The following COPB2 variants were observed in gnomAD, a reference collection of about 807,000 sequenced individuals.
The protein encoded by COPB2 is coatomer subunit beta'.
Under a neutral mutation model 120.8 loss-of-function variants are expected in COPB2, and 16 were observed. The observed-to-expected ratio is 0.13, with a 90% CI of 0.09 to 0.20. The LOEUF (loss-of-function observed/expected upper bound fraction) is 0.20. Among genes scored for constraint, COPB2 ranks in the 10% least tolerant of loss-of-function variants. The probability of loss-of-function intolerance (pLI) is 1.00; values close to 1 mark genes in which losing one functional copy is unlikely to be tolerated. For missense variants in COPB2, 794 were observed against 1,076.5 expected (o/e 0.74, Z 3.67); for synonymous variants, 332 against 366.3 (o/e 0.91, Z 1.07).
At chr3:139,379,986 GTTTC>G (rs1424444018) in intron 2 of COPB2, 1 of 143,544 alleles carries the variant, frequency 7.0e-6, no homozygotes, top group Non-Finnish European at 1.5e-5. Context: ...TTAGCTCTTA[GTTTC>G]TTTTTTTCTT....
At position 139,358,676 on chromosome 3, in the gene COPB2, G is replaced by C. The variant is rs371622458; in HGVS notation, c.2553+68C>G. On this transcript the variant is annotated intron_variant, in intron 20 of 21. Coordinates refer to ENST00000333188, the MANE Select transcript of COPB2 (RefSeq NM_004766.3). ...AGCCAGGGCAATGGAGCGAAACTCT[G>C]TCTCAAAAGAAAAAAAAAAAAAGTG... 535 of 1,122,624 alleles carry C rather than the reference G, an allele frequency of 4.8e-4. 2 individuals are homozygous for C. In the African/African-American group the frequency reaches 7.6e-3, roughly 16 times the overall value. The allele number at this position is 1,122,624 out of a possible 1,614,324, so 69.5% of individuals were successfully genotyped here.
chr3:139,359,782 T>A (rs1941375542), intron 17 of COPB2, among the ~76,000 whole-genome samples: 1 of 151,860 alleles, frequency 6.6e-6, no homozygotes, highest in African/African-American at 2.4e-5. Flanking sequence ...TCTTATTTTT[T>A]CTTCTATTTT....
At position 139,373,803 on chromosome 3, in the gene COPB2, C is replaced by G; in HGVS notation, c.757G>C (p.Val253Leu). ...IIITGSEDGT[V>L]RIWHSSTYRL... Reference sequence around the variant, plus strand: ...TAGGTGCTTGAATGCCAAATACGTACTGTTCCTAAAAAGAACAATGTAAAT... The same window carrying G: ...TAGGTGCTTGAATGCCAAATACGTAGTGTTCCTAAAAAGAACAATGTAAAT... Residue 253 changes from valine (V) to leucine (L), a missense_variant, in exon 8 of 22, where the codon GTA (valine) becomes CTA (leucine). Coordinates refer to ENST00000333188, the MANE Select transcript of COPB2 (RefSeq NM_004766.3). 6.2e-7 allele frequency: 1 copy of G among 1,614,000 alleles called. No homozygotes were observed. The highest frequency in any genetic ancestry group is 8.5e-7 in the Non-Finnish European group (1 of 1,179,942).
Position 139,368,229 on chromosome 3 carries a change from G to C in COPB2, c.1461C>G (p.Ile487Met). The C allele has an allele frequency of 6.2e-7, 1 of 1,613,630 alleles. No individual in the cohort carries two copies. Among genetic ancestry groups the C allele is most frequent in the Non-Finnish European group, 8.5e-7 (1 of 1,179,772 alleles). The change falls in exon 13 of 22, where the codon ATC becomes ATG. Residue 487 changes from isoleucine to methionine, a missense_variant. Physicochemically the swap from Ile to Met is conservative, Grantham distance 10. Coordinates refer to ENST00000333188, the MANE Select transcript of COPB2 (RefSeq NM_004766.3). ...VCIATEESFFILKYLSEKVLA... is the reference protein window; with the variant it reads ...VCIATEESFFMLKYLSEKVLA... ...AGACTTTTTCTGACAGATACTTAAG[G>C]ATAAAAAATGATTCCTCAGTAGCAA...
chr3:139,365,668 T>A (rs1308315673), intron 15 of COPB2, among the ~76,000 whole-genome samples: 4 of 152,058 alleles, frequency 2.6e-5, no homozygotes, highest in Non-Finnish European at 5.9e-5. Flanking sequence ...TGAAGGAGAC[T>A]AAGCAAACTG....
chr3:139,383,587 T>C (rs914939599), intron 1 of COPB2, 152 bp from the exon 2 acceptor site: 1 of 668,536 alleles, frequency 1.5e-6, no homozygotes, highest in Non-Finnish European at 2.3e-6. Context: ...CACTTATTTC[T>C]TCATTTACAC....
chr3:139,377,306 G>A (rs969241218), intron 5 of COPB2, among the ~76,000 whole-genome samples: 1 of 152,200 alleles, frequency 6.6e-6, no homozygotes, highest in African/African-American at 2.4e-5. Context: ...AGCATAACTG[G>A]CTCTGTCTAG....
chr3:139,389,168 G>A (rs1424860826), intron 1 of COPB2, among the ~76,000 whole-genome samples: 1 of 152,160 alleles, frequency 6.6e-6, no homozygotes, highest in African/African-American at 2.4e-5. Flanking sequence ...AAGCCCAACA[G>A]GAGTGTAGAT....
chr3:139,358,859 A>C (rs1261186767), intron 19 of COPB2, 47 bp from the exon 20 acceptor site: 4 of 1,570,146 alleles, frequency 2.5e-6, no homozygotes, highest in Non-Finnish European at 3.5e-6. Context: ...CTGAAATCAT[A>C]ATTTACCTAT....
intron 10 of COPB2, among the ~76,000 whole-genome samples, chr3:139,370,509 G>C (rs577021450): frequency 6.6e-6 from 1 of 152,118 alleles, no homozygotes; most frequent in Admixed American, 6.5e-5. Flanking sequence ...TCGGGGGATC[G>C]CTGTACAATT....
At chr3:139,380,363 CT>C (rs1941789058) in intron 2 of COPB2, 1 of 152,112 alleles carries the variant, frequency 6.6e-6, no homozygotes, top group Non-Finnish European at 1.5e-5. Flanking sequence ...AGGTACAATT[CT>C]TTTGCATGCT....
Position 139,379,419 on chromosome 3 carries a change from T to C in COPB2, c.189A>G (p.Ala63=). ...FEVCDLPVRA[A]KFVARKNWVV... is the part of the protein sequence containing the mutation. ...CCCAATTCTTCCTTGCAACAAACTT[T>C]GCAGCTCGAACAGGAAGATCACATA... is the stretch of plus-strand genomic sequence containing the variant. Residue 63 remains alanine, a synonymous_variant, in exon 3 of 22, where the codon GCA becomes GCG. Coordinates refer to ENST00000333188, the MANE Select transcript of COPB2 (RefSeq NM_004766.3). 6.2e-7 allele frequency: 1 copy of C among 1,614,128 alleles called. No individual in the cohort carries two copies. The highest frequency in any genetic ancestry group is 2.2e-5 in the East Asian group (1 of 44,868).
At position 139,369,670 on chromosome 3, in the gene COPB2, T is replaced by C. The variant is rs1050815598; in HGVS notation, c.1206-126A>G. ...AAAATATAAAATAAATATTTGAAGA[T>C]TATCTGATGTACTGTTTTCCTAAGA... On this transcript the variant is annotated intron_variant, in intron 10 of 21. Transcript: ENST00000333188. The C allele has an allele frequency of 1.7e-5, 11 of 647,058 alleles. No individual in the cohort carries two copies. The African/African-American group carries it at 1.8e-4, about 11-fold the overall frequency. 40.1% of individuals were successfully genotyped at this position (647,058 alleles called of 1,614,324 possible).
chr3:139,378,913 A>G, intron 4 of COPB2, 134 bp downstream of exon 4: 1 of 819,678 alleles, frequency 1.2e-6, no homozygotes, highest in Non-Finnish European at 1.8e-6. Context: ...TAGCACAGTA[A>G]TGGATCTAAA....
Position 139,367,109 on chromosome 3 carries a change from G to A in COPB2, c.1582C>T (p.Leu528Phe), listed in dbSNP as rs1161992243. 6.2e-7 allele frequency: 1 copy of A among 1,613,662 alleles called. No individual in the cohort carries two copies. Among genetic ancestry groups the A allele is most frequent in the Non-Finnish European group, 8.5e-7 (1 of 1,179,910 alleles). ...TAAATGAAGCAATCGCCTACCCAAA[G>A]CCCTGTTTTCACAATTTCCTGAATC... ...GEIQEIVKTG[L>F]WVGDCFIYTS... Residue 528 changes from leucine to phenylalanine, a missense_variant, in exon 14 of 22, where the codon CTT becomes TTT. Coordinates refer to ENST00000333188, the MANE Select transcript of COPB2 (RefSeq NM_004766.3).
At chr3:139,380,163 C>G (rs1315001700) in intron 2 of COPB2, 1 of 151,950 alleles carries the variant, frequency 6.6e-6, no homozygotes, top group Non-Finnish European at 1.5e-5. Flanking sequence ...AGGTGTGCAC[C>G]ACCATGCCAA....
At chr3:139,381,761 C>G (rs940194014) in intron 2 of COPB2, 6 of 151,958 alleles carry the variant, frequency 3.9e-5, no homozygotes, top group South Asian at 2.1e-4. Context: ...TTAGAACATA[C>G]GATGATCAAG....
intron 2 of COPB2, chr3:139,380,962 G>A (rs549173891): frequency 4.6e-5 from 7 of 152,300 alleles, no homozygotes; most frequent in Middle Eastern, 3.4e-3. Flanking sequence ...CATGTTAGGG[G>A]CTATGACTGA....
At chr3:139,362,694 A>G (rs1941447120) in intron 15 of COPB2, among the ~76,000 whole-genome samples, 177 bp from the exon 16 acceptor site, 1 of 152,196 alleles carries the variant, frequency 6.6e-6, no homozygotes, top group South Asian at 2.1e-4. Flanking sequence ...AGGAGTCATT[A>G]AAGGAAGTGG....
Sources: gnomAD v4.1 joint callset for allele counts (sites outside exome capture counted in the v4.1 genomes callset) on GRCh38, gnomAD v4.1.1 for gene constraint, MANE v1.5 for transcripts, NCBI Gene and HGNC (gene_info 2026-07-23, HGNC 2026-07-21) for gene names.